Variants in HDGFL2 observed in about 807,000 individuals in gnomAD.
HDGFL2 encodes the protein hepatoma-derived growth factor-related protein 2.
In HDGFL2, 36 loss-of-function variants were observed where a neutral mutation model predicts 77.1. That is an observed-to-expected ratio of 0.47 (90% confidence interval 0.36 to 0.62). HDGFL2 has a LOEUF of 0.62. HDGFL2 is among the 20% of genes least tolerant of loss of function. HDGFL2 has a pLI of 0.00. For synonymous variants in HDGFL2, 463 were observed against 413.1 expected, an observed-to-expected ratio of 1.12 and a Z score of -1.46; for missense variants, 976 against 973.4, an observed-to-expected ratio of 1.00 and a Z score of -0.04.
intron 1 of HDGFL2, among the ~76,000 whole-genome samples, chr19:4,472,703 G>A (rs1599693341): frequency 6.6e-6 from 1 of 150,406 alleles, no homozygotes; most frequent in Non-Finnish European, 1.5e-5. Context: ...GGGCCTCAGG[G>A]AGCCCCGCCC....
At chr19:4,477,238 G>A (rs1016749077) in intron 3 of HDGFL2, among the ~76,000 whole-genome samples, 10 of 152,172 alleles carry the variant, frequency 6.6e-5, no homozygotes, top group Admixed American at 3.9e-4. Context: ...GTGCCGCACT[G>A]GGGACCAGGA....
intron 9 of HDGFL2, 58 bp from the exon 10 acceptor site, chr19:4,496,243 AG>A: frequency 7.3e-7 from 1 of 1,379,168 alleles, no homozygotes; most frequent in Non-Finnish European, 1.0e-6. Flanking sequence ...GGGATGGGCT[AG>A]GGGTCTGGGT....
At chr19:4,497,612 G>T in intron 10 of HDGFL2, 1 of 357,696 alleles carries the variant, frequency 2.8e-6, no homozygotes, top group East Asian at 6.4e-5. Context: ...CTCAGCAATG[G>T]GCCTCTCTCC....
At position 4,496,285 on chromosome 19, in the gene HDGFL2, C is replaced by T. The variant is rs1477559607; in HGVS notation, c.1225-17C>T. The T allele has an allele frequency of 2.5e-6, 4 of 1,611,678 alleles. No homozygotes were observed. The highest frequency in any genetic ancestry group is 3.4e-6 in the Non-Finnish European group (4 of 1,177,816). The stretch of plus-strand genomic sequence containing the variant: ...CCTCTTCCCACTGCTCCAGCGCGCC[C>T]TTCCTGACTGCTATAGGCCAAGAAA... On this transcript the variant is annotated splice_polypyrimidine_tract_variant and intron_variant, in intron 9 of 15. Transcript: ENST00000616600.
At position 4,502,113 on chromosome 19, in the gene HDGFL2, G is replaced by GTTTGTA; in HGVS notation, c.*109_*114dup. ...AGAGAACTGTGGGGAACGCTGTGCT[G>GTTTGTA]TTTGTATTTGTTCCCTTGGGTTTTT... On this transcript the variant is annotated 3_prime_UTR_variant, in exon 16 of 16. Transcript: ENST00000616600. The GTTTGTA allele has an allele frequency of 1.2e-6, 1 of 828,848 alleles. No individual in the cohort carries two copies. The highest frequency in any genetic ancestry group is 2.0e-6 in the Non-Finnish European group (1 of 502,960). The allele number at this position is 828,848 out of a possible 1,614,324, so 51.3% of individuals were successfully genotyped here.
rs532686672 is a variant in HDGFL2 at position 4,501,986 on chromosome 19, G to A, written c.1992G>A (p.Ser664=). 1.3e-5 allele frequency: 19 copies of A among 1,514,020 alleles called. No homozygotes were observed. The highest frequency in any genetic ancestry group is 8.4e-5 in the African/African-American group (6 of 71,056). The allele number at this position is 1,514,020 out of a possible 1,614,324, so 93.8% of individuals were successfully genotyped here. ...AGCGCGAGAGGGCACGGGGGGACTCGGAGGCCCTGGACGAGGAGAGCTGAG... is the reference window on the plus strand; with the variant it reads ...AGCGCGAGAGGGCACGGGGGGACTCAGAGGCCCTGGACGAGGAGAGCTGAG... ...RQERERARGD[S]EALDEES The change falls in exon 16 of 16, where the codon TCG becomes TCA. Residue 664 remains serine (S), a synonymous_variant. Transcript: ENST00000616600.
Position 4,481,737 on chromosome 19 carries a change from A to G in HDGFL2, c.288+6154A>G, listed in dbSNP as rs562188930. 1.2e-4 allele frequency among the ~76,000 whole-genome samples: 18 copies of G among 149,704 alleles called. No individual in the cohort carries two copies. The South Asian group carries it at 3.6e-3, about 30-fold the overall frequency. Reference sequence around the variant, plus strand: ...CTCCCAAAGTGCTGGGATTACAGGCATGAGCCACCGTGCCCGGCCCTCAGT... The same window carrying G: ...CTCCCAAAGTGCTGGGATTACAGGCGTGAGCCACCGTGCCCGGCCCTCAGT... On this transcript the variant is annotated intron_variant, in intron 3 of 15. Transcript: ENST00000616600.
intron 3 of HDGFL2, among the ~76,000 whole-genome samples, chr19:4,483,323 G>T (rs748951932): frequency 6.6e-6 from 1 of 152,138 alleles, no homozygotes; most frequent in Non-Finnish European, 1.5e-5. Flanking sequence ...GCTGGTGTGC[G>T]CCTGCTGTGG....
intron 9 of HDGFL2, 30 bp downstream of exon 9, chr19:4,494,505 C>T (rs992024823): frequency 3.7e-6 from 5 of 1,352,844 alleles, no homozygotes; most frequent in Non-Finnish European, 4.7e-6. Flanking sequence ...GGAGTCCCTG[C>T]CTTCACTCCA....
chr19:4,487,808 T>C (rs1975400919), intron 3 of HDGFL2, among the ~76,000 whole-genome samples: 2 of 152,096 alleles, frequency 1.3e-5, no homozygotes, highest in Admixed American at 1.3e-4. Flanking sequence ...AAGCATCAGA[T>C]AGGTGTTTGT....
At chr19:4,498,244 T>C in intron 11 of HDGFL2, 62 bp from the exon 12 acceptor site, 1 of 1,464,942 alleles carries the variant, frequency 6.8e-7, no homozygotes, top group Non-Finnish European at 9.5e-7. Flanking sequence ...GCTCCTGCCC[T>C]TGAACAGCTG....
Position 4,499,624 on chromosome 19 carries a change from AGGCCGAGGAGAAGCT to A in HDGFL2, c.1715_1729del (p.Glu572_Ala576del), listed in dbSNP as rs1250441854. 2 of 1,589,754 alleles carry A rather than the reference AGGCCGAGGAGAAGCT, an allele frequency of 1.3e-6. No individual in the cohort carries two copies. Among genetic ancestry groups the A allele is most frequent in the East Asian group, 2.3e-5 (1 of 44,328 alleles). On this transcript the variant is annotated inframe_deletion, in exon 14 of 16. Coordinates refer to ENST00000616600, the MANE Select transcript of HDGFL2 (RefSeq NM_001001520.3). ...AACAAGGCTGGGATGGAGAAGGAGA[AGGCCGAGGAGAAGCT>A]GGCCGGGGAGGAGCTGGCCGGGGAG...
chr19:4,472,467 G>GGGGGGGGGGGGC, intron 1 of HDGFL2, 45 bp downstream of exon 1: 1 of 331,102 alleles, frequency 3.0e-6, no homozygotes, highest in South Asian at 4.3e-5. Flanking sequence ...GGGGGGGGGG[G>GGGGGGGGGGGGC]CAGCGGGGGC....
intron 3 of HDGFL2, among the ~76,000 whole-genome samples, chr19:4,481,188 A>AT (rs71168906): frequency 2.0e-5 from 1 of 51,176 alleles, no homozygotes; most frequent in Admixed American, 2.5e-4. Flanking sequence ...CGCCTGGCTA[A>AT]TTTTTTTTTT....
At chr19:4,493,125 G>GGT (rs1169932620) in intron 6 of HDGFL2, among the ~76,000 whole-genome samples, 1 of 138,998 alleles carries the variant, frequency 7.2e-6, no homozygotes, top group East Asian at 2.1e-4. Flanking sequence ...GTCTGTGTGT[G>GGT]GTGTGTGTGT....
At chr19:4,482,933 C>A (rs901296834) in intron 3 of HDGFL2, among the ~76,000 whole-genome samples, 1 of 151,978 alleles carries the variant, frequency 6.6e-6, no homozygotes, top group South Asian at 2.1e-4. Context: ...GTGGAGGGAG[C>A]GACCAGGAAG....
intron 3 of HDGFL2, among the ~76,000 whole-genome samples, chr19:4,478,874 C>A (rs1389030162): frequency 6.6e-6 from 1 of 151,590 alleles, no homozygotes; most frequent in South Asian, 2.1e-4. Flanking sequence ...TTAGTAGAGA[C>A]GGGTTTCACC....
chr19:4,475,646 T>C (rs1282329783), intron 3 of HDGFL2, 63 bp downstream of exon 3: 1 of 1,513,380 alleles, frequency 6.6e-7, no homozygotes, highest in East Asian at 2.3e-5. Context: ...GGGCCTCCAG[T>C]TAGGGTCTCT....
intron 3 of HDGFL2, chr19:4,486,357 G>T (rs552029181): frequency 1.3e-5 from 2 of 152,114 alleles, no homozygotes; most frequent in South Asian, 4.1e-4. Context: ...TAGCAGGTGT[G>T]TCATGATGTT....
Sources: allele counts gnomAD v4.1 joint callset (sites outside exome capture counted in the v4.1 genomes callset), GRCh38; gene constraint gnomAD v4.1.1; transcripts MANE v1.5; gene names NCBI Gene and HGNC (gene_info 2026-07-23, HGNC 2026-07-21).